Variants in ATP13A2 observed in about 807,000 individuals in gnomAD.
ATP13A2 encodes the protein ATPase cation transporting 13A2.
ATP13A2 carries 83 observed loss-of-function variants against 138.3 expected under a neutral mutation model. The observed-to-expected ratio is 0.60, with a 90% CI of 0.50 to 0.72. ATP13A2 has a LOEUF of 0.72. ATP13A2 is among the 30% of genes least tolerant of loss of function. The probability of loss-of-function intolerance (pLI) is 0.00; values close to 1 mark genes in which losing one functional copy is unlikely to be tolerated. For missense variants in ATP13A2, 1,402 were observed against 1,606.4 expected, an observed-to-expected ratio of 0.87 and a Z score of 2.17; for synonymous variants, 663 against 699.0, an observed-to-expected ratio of 0.95 and a Z score of 0.81.
rs538236343 is a variant in ATP13A2, at chr1:16,986,929, G to A, written c.3111C>T (p.Ala1037=). 16 of 1,614,030 alleles carry A rather than the reference G, an allele frequency of 9.9e-6. No individual in the cohort carries two copies. The highest frequency in any genetic ancestry group is 9.9e-5 in the South Asian group (9 of 91,078). The change falls in exon 27 of 29, where the codon GCC becomes GCT. Residue 1037 remains alanine, a synonymous_variant. Transcript: ENST00000326735. This position sits in a 1 kb window ranked among gnomAD's most constrained non-coding sequence, Gnocchi z 6.9. ...PWFVPLNRTV[A]APDNLPNYEN... ...CGTAGTTGGGCAGGTTGTCTGGTGC[G>A]GCCACTGTCCTGTTCAGAGGCACGA...
At chr1:16,988,097 T>C (rs1469579638) in intron 25 of ATP13A2, 41 bp downstream of exon 25, 2 of 1,576,218 alleles carry the variant, frequency 1.3e-6, no homozygotes, top group East Asian at 4.5e-5. Context: ...CCCTCCCTAG[T>C]CCTGGGACGG....
At chr1:17,000,655 G>A in intron 8 of ATP13A2, 121 bp from the exon 9 acceptor site, 1 of 1,320,108 alleles carries the variant, frequency 7.6e-7, no homozygotes, top group Non-Finnish European at 1.0e-6. Flanking sequence ...CTGGAGCCAG[G>A]CCTTTCTCCT....
At position 16,986,181 on chromosome 1, in the gene ATP13A2, G is replaced by A; in HGVS notation, c.*40C>T. ...AGAGGGGTCCAGTTGGTGGCTCAGA[G>A]GCAGGGAGTTCCAGTGTCTGGGGTG... On this transcript the variant is annotated 3_prime_UTR_variant, in exon 29 of 29. Coordinates refer to ENST00000326735, the MANE Select transcript of ATP13A2 (RefSeq NM_022089.4). The surrounding 1 kb of genome is among the most constrained non-coding windows in gnomAD (Gnocchi z 6.9). 6.2e-7 allele frequency: 1 copy of A among 1,612,554 alleles called. No individual in the cohort carries two copies. Among genetic ancestry groups the A allele is most frequent in the Non-Finnish European group, 8.5e-7 (1 of 1,179,584 alleles).
chr1:16,986,228 AG>A lies in ATP13A2; in HGVS notation c.3535del (p.Leu1179Ter), dbSNP rs1570752813. The A allele has an allele frequency of 1.9e-6, 3 of 1,612,046 alleles. No individual in the cohort carries two copies. Among genetic ancestry groups the A allele is most frequent in the Non-Finnish European group, 2.5e-6 (3 of 1,179,422 alleles). ...QPWPPLPAGPLR is the reference protein window; with the variant it reads ...QPWPPLPAGPXR ...GGTGCCCGTGGGCCTGCACTACCTC[AG>A]GGGGCCGGCGGGCAGCGGCGGCCAG... On this transcript the variant is annotated frameshift_variant, in exon 29 of 29. Transcript: ENST00000326735. LOFTEE classifies it high-confidence loss of function. The surrounding 1 kb of genome is among the most constrained non-coding windows in gnomAD (Gnocchi z 6.9).
At chr1:16,994,445 C>T (rs1442542908) in intron 15 of ATP13A2, among the ~76,000 whole-genome samples, 2 of 151,962 alleles carry the variant, frequency 1.3e-5, no homozygotes, top group South Asian at 2.1e-4. Flanking sequence ...GTTGGTCAGG[C>T]TGGTCTCGAA....
intron 16 of ATP13A2, among the ~76,000 whole-genome samples, chr1:16,993,261 G>A (rs2076998535): frequency 1.3e-5 from 2 of 152,136 alleles, no homozygotes. Context: ...TGTTACCCAG[G>A]CTGGAGTGCA....
At position 17,001,911 on chromosome 1, in the gene ATP13A2, A is replaced by G. The variant is rs2077371757; in HGVS notation, c.705+123T>C. On this transcript the variant is annotated intron_variant, in intron 8 of 28. Transcript: ENST00000326735. ...GCGGCAGGTTCTGAGATGACGATCC[A>G]CTATGGAGAAGGGGACAGCTGGTCT... 8.1e-6 allele frequency: 8 copies of G among 982,774 alleles called. No individual in the cohort carries two copies. In the East Asian group the frequency reaches 2.1e-4, roughly 26 times the overall value. The allele number at this position is 982,774 out of a possible 1,614,324, so 60.9% of individuals were successfully genotyped here. A position where few individuals can be genotyped will look rare whatever the true frequency, so the allele number is the denominator to read the frequency against.
chr1:17,002,170 G>A, intron 7 of ATP13A2, 67 bp from the exon 8 acceptor site: 1 of 1,584,724 alleles, frequency 6.3e-7, no homozygotes, highest in Non-Finnish European at 8.6e-7. Flanking sequence ...CGGGGTGAAG[G>A]AGCTCCCCAC....
intron 20 of ATP13A2, among the ~76,000 whole-genome samples, 181 bp downstream of exon 20, chr1:16,991,551 CAG>C (rs1370165409): frequency 3.3e-5 from 5 of 152,210 alleles, no homozygotes; most frequent in South Asian, 2.1e-4. Flanking sequence ...ATCTGTCAAA[CAG>C]GGGTGACAAT....
chr1:16,996,134 G>T lies in ATP13A2; in HGVS notation c.1384C>A (p.Leu462Ile). 6 of 1,614,162 alleles carry T rather than the reference G, an allele frequency of 3.7e-6. No homozygotes were observed. Among genetic ancestry groups the T allele is most frequent in the Non-Finnish European group, 5.1e-6 (6 of 1,180,036 alleles). The stretch of plus-strand genomic sequence containing the variant: ...GGCACCACCACGGTCACCAGGTCGA[G>T]AGCCCGGATTACAATCTCATTCAGA... ...VPLNEIVIRA[L>I]DLVTVVVPPA... Residue 462 changes from leucine (L) to isoleucine (I), a missense_variant, in exon 15 of 29, where the codon CTC becomes ATC. Leu to Ile is a conservative substitution (Grantham distance 5, BLOSUM62 2). Transcript: ENST00000326735.
chr1:16,986,061 T>C lies in ATP13A2; in HGVS notation c.*160A>G. The C allele has an allele frequency of 1.3e-6, 2 of 1,512,740 alleles. No homozygotes were observed. Among genetic ancestry groups the C allele is most frequent in the Non-Finnish European group, 1.8e-6 (2 of 1,128,130 alleles). The allele number at this position is 1,512,740 out of a possible 1,614,324, so 93.7% of individuals were successfully genotyped here. On this transcript the variant is annotated 3_prime_UTR_variant, in exon 29 of 29. Coordinates refer to ENST00000326735, the MANE Select transcript of ATP13A2 (RefSeq NM_022089.4). The surrounding 1 kb of genome is among the most constrained non-coding windows in gnomAD (Gnocchi z 6.9). ...GATGGTCCAAGGTAGGGGACAGTAG[T>C]CAACGCTTCCCCAGGGTGGGGGTGG...
chr1:17,004,654 G>A lies in ATP13A2; in HGVS notation c.477+38C>T, dbSNP rs773559472. The A allele has an allele frequency of 6.2e-6, 10 of 1,613,874 alleles. No individual in the cohort carries two copies. The highest frequency in any genetic ancestry group is 2.2e-5 in the East Asian group (1 of 44,880). On this transcript the variant is annotated intron_variant, in intron 5 of 28. Coordinates refer to ENST00000326735, the MANE Select transcript of ATP13A2 (RefSeq NM_022089.4). This position sits in a 1 kb window ranked among gnomAD's most constrained non-coding sequence, Gnocchi z 4.1. ...CTCCCATTGCACAGATCATGAAACCGAGGCCGAGAGAGGGGCAAGGACTTT... is the reference window on the plus strand; with the variant it reads ...CTCCCATTGCACAGATCATGAAACCAAGGCCGAGAGAGGGGCAAGGACTTT...
intron 25 of ATP13A2, 66 bp downstream of exon 25, chr1:16,988,072 G>T: frequency 7.0e-7 from 1 of 1,431,982 alleles, no homozygotes; most frequent in Non-Finnish European, 9.8e-7. Flanking sequence ...CAGCTCCAAG[G>T]CACAGGGCTG....
At chr1:16,993,877 T>C in intron 15 of ATP13A2, 42 bp from the exon 16 acceptor site, 1 of 1,487,158 alleles carries the variant, frequency 6.7e-7, no homozygotes, top group South Asian at 1.3e-5. Context: ...AGTCCTGGGA[T>C]GGGGGTACCC....
chr1:16,992,894 G>A (rs975147031), intron 16 of ATP13A2, among the ~76,000 whole-genome samples: 2 of 152,232 alleles, frequency 1.3e-5, no homozygotes, highest in African/African-American at 2.4e-5. Flanking sequence ...TAGGCACTCA[G>A]CCTGAGGCCT....
chr1:17,004,499 AG>A lies in ATP13A2; in HGVS notation c.478-89del. The A allele has an allele frequency of 6.5e-7, 1 of 1,542,444 alleles. No individual in the cohort carries two copies. ...ATGCTGGGAGCCGAGGGATGGGGGT[AG>A]GGGGCAGGGACTGGTGTCACCAGAC... On this transcript the variant is annotated intron_variant, in intron 5 of 28. Coordinates refer to ENST00000326735, the MANE Select transcript of ATP13A2 (RefSeq NM_022089.4). The surrounding 1 kb of genome is among the most constrained non-coding windows in gnomAD (Gnocchi z 4.1).
chr1:17,002,677 G>C (rs1303842874), intron 6 of ATP13A2, among the ~76,000 whole-genome samples: 1 of 151,990 alleles, frequency 6.6e-6, no homozygotes, highest in Non-Finnish European at 1.5e-5. Flanking sequence ...TGATACCCTG[G>C]GCAAGTCACT....
At chr1:17,005,243 G>A in intron 3 of ATP13A2, 131 bp downstream of exon 3, 1 of 1,470,450 alleles carries the variant, frequency 6.8e-7, no homozygotes, top group Non-Finnish European at 9.3e-7. Flanking sequence ...GAAAGCTGAG[G>A]TCCAGAGAAG....
chr1:17,005,803 A>G (rs374078705), intron 1 of ATP13A2, 25 bp from the exon 2 acceptor site: 198 of 1,585,674 alleles, frequency 1.2e-4, no homozygotes, highest in Non-Finnish European at 1.6e-4. Context: ...GAGAAAGGTC[A>G]TTTGGGGAGG....
Sources: allele counts gnomAD v4.1 joint callset (sites outside exome capture counted in the v4.1 genomes callset), GRCh38; gene constraint gnomAD v4.1.1; non-coding constraint Gnocchi (gnomAD v3.1); transcripts MANE v1.5; gene names NCBI Gene and HGNC (gene_info 2026-07-23, HGNC 2026-07-21).